Variants in B3GALT1 observed in about 807,000 individuals in gnomAD.
B3GALT1 encodes the protein UDP-Gal:betaGlcNAc beta 1,3-galactosyltransferase, polypeptide 1.
A neutral mutation model predicts 23.2 loss-of-function variants in B3GALT1; 10 were observed. The observed-to-expected ratio is 0.43, with a 90% CI of 0.27 to 0.73. The LOEUF (loss-of-function observed/expected upper bound fraction) is 0.73. B3GALT1 is among the 30% of genes least tolerant of loss of function. B3GALT1 has a pLI of 0.21. For synonymous variants in B3GALT1, 156 were observed against 141.5 expected (o/e 1.10, Z -0.73); for missense variants, 299 against 405.4 (o/e 0.74, Z 2.25).
intron 1 of B3GALT1, among the ~76,000 whole-genome samples, chr2:167,346,848 T>A (rs1697229878): frequency 6.6e-6 from 1 of 152,028 alleles, no homozygotes; most frequent in African/African-American, 2.4e-5. Flanking sequence ...TCATTCTGGT[T>A]ATATGGAGGG....
chr2:167,562,466 G>T (rs1021288302), intron 2 of B3GALT1, among the ~76,000 whole-genome samples: 41 of 152,168 alleles, frequency 2.7e-4, no homozygotes, highest in African/African-American at 6.3e-4. Context: ...GGGCAATTAG[G>T]CAGGAGAAGG....
At chr2:167,336,343 C>T (rs1207752631) in intron 1 of B3GALT1, among the ~76,000 whole-genome samples, 2 of 152,116 alleles carry the variant, frequency 1.3e-5, no homozygotes, top group African/African-American at 4.8e-5. Flanking sequence ...ATGGTTTACC[C>T]AGGAAGACAA....
chr2:167,395,625 T>TAAG (rs1698081439), intron 1 of B3GALT1, among the ~76,000 whole-genome samples: 3 of 152,100 alleles, frequency 2.0e-5, no homozygotes. Context: ...TTTAAGCTAC[T>TAAG]AAGTGTGGGT....
intron 2 of B3GALT1, among the ~76,000 whole-genome samples, chr2:167,549,672 C>A (rs11884796): frequency 1.3e-5 from 2 of 152,076 alleles, no homozygotes; most frequent in Admixed American, 1.3e-4. Context: ...CTGCCCACAG[C>A]AGCAGACTAA....
At chr2:167,611,458 T>G (rs1389385824) in intron 2 of B3GALT1, among the ~76,000 whole-genome samples, 3 of 151,994 alleles carry the variant, frequency 2.0e-5, no homozygotes, top group African/African-American at 7.2e-5. Context: ...GACTGTATGT[T>G]GGAGTTTCAA....
At chr2:167,693,947 G>A (rs553229985) in intron 3 of B3GALT1, among the ~76,000 whole-genome samples, 8 of 152,046 alleles carry the variant, frequency 5.3e-5, no homozygotes, top group African/African-American at 1.4e-4. Flanking sequence ...CTTCTTTTCC[G>A]TGTGCCGTTG....
intron 1 of B3GALT1, among the ~76,000 whole-genome samples, chr2:167,305,241 A>T (rs1249038366): frequency 4.6e-5 from 7 of 151,540 alleles, no homozygotes; most frequent in East Asian, 3.9e-4. Flanking sequence ...GACAGTTGTT[A>T]ATATATATAT....
intron 1 of B3GALT1, among the ~76,000 whole-genome samples, chr2:167,443,497 C>T (rs1388817182): frequency 6.6e-6 from 1 of 152,140 alleles, no homozygotes; most frequent in African/African-American, 2.4e-5. Context: ...TTGATTGTTC[C>T]TATCCATGAG....
At chr2:167,699,720 A>G (rs893985640) in intron 3 of B3GALT1, among the ~76,000 whole-genome samples, 1 of 152,086 alleles carries the variant, frequency 6.6e-6, no homozygotes, top group Admixed American at 6.5e-5. Context: ...TAGACAATAT[A>G]TATTTTTTCA....
intron 1 of B3GALT1, among the ~76,000 whole-genome samples, chr2:167,441,461 A>C (rs1282162562): frequency 6.6e-6 from 1 of 152,092 alleles, no homozygotes; most frequent in East Asian, 1.9e-4. Flanking sequence ...GGATCTTCTG[A>C]GAAGGCTCAT....
At chr2:167,665,117 A>T (rs2105476693) in intron 3 of B3GALT1, among the ~76,000 whole-genome samples, 1 of 152,000 alleles carries the variant, frequency 6.6e-6, no homozygotes, top group South Asian at 2.1e-4. Context: ...GTTAGCTCTT[A>T]TTATTTTGAG....
intron 4 of B3GALT1, among the ~76,000 whole-genome samples, chr2:167,858,786 A>G (rs966937404): frequency 6.6e-6 from 1 of 152,190 alleles, no homozygotes; most frequent in African/African-American, 2.4e-5. Flanking sequence ...ATATAAAGGA[A>G]CAATTGAAAA....
chr2:167,862,571 A>G (rs1690122937), intron 4 of B3GALT1: 1 of 152,226 alleles, frequency 6.6e-6, no homozygotes. Context: ...TTCAGCAGCT[A>G]TCTGGGCACC....
chr2:167,478,523 AT>A (rs1433304807), intron 1 of B3GALT1, among the ~76,000 whole-genome samples: 2 of 151,782 alleles, frequency 1.3e-5, no homozygotes, highest in African/African-American at 4.8e-5. Context: ...ACAAAAGCAA[AT>A]GGCAGTGTGA....
intron 3 of B3GALT1, among the ~76,000 whole-genome samples, chr2:167,675,373 T>A (rs1271448012): frequency 1.3e-5 from 2 of 152,190 alleles, no homozygotes; most frequent in Non-Finnish European, 2.9e-5. Flanking sequence ...TCAAAGAAAT[T>A]CAGATAAACT....
At position 167,729,996 on chromosome 2, in the gene B3GALT1, T is replaced by A. The variant is rs1382386748; in HGVS notation, c.-352+83030T>A. Among the ~76,000 whole-genome samples, 4 of 152,120 alleles carry A rather than the reference T, an allele frequency of 2.6e-5. No individual in the cohort carries two copies. In the East Asian group the frequency reaches 7.7e-4, roughly 29 times the overall value. On this transcript the variant is annotated intron_variant, in intron 3 of 4. Transcript: ENST00000392690. Reference sequence around the variant, plus strand: ...GTGTAGTATGTGAGCCATCTTGGCTTATAGCTGACCTGCAGTGCCCAGAAG... The same window carrying A: ...GTGTAGTATGTGAGCCATCTTGGCTAATAGCTGACCTGCAGTGCCCAGAAG...
In B3GALT1 at chr2:167,344,930, C is replaced by T. The variant is rs184012869; in HGVS notation, c.-511+51596C>T. 3.6e-3 allele frequency among the ~76,000 whole-genome samples: 552 copies of T among 152,240 alleles called. 6 individuals carry two copies. Among genetic ancestry groups the T allele is most frequent in the African/African-American group, 0.013 (530 of 41,558 alleles). ...AGCAAGATAAGGTTAGTGATTTCAACACTGGATTTACACAGACTATAAAAG... is the reference window on the plus strand; with the variant it reads ...AGCAAGATAAGGTTAGTGATTTCAATACTGGATTTACACAGACTATAAAAG... On this transcript the variant is annotated intron_variant, in intron 1 of 4. Coordinates refer to ENST00000392690, the MANE Select transcript of B3GALT1 (RefSeq NM_020981.4).
At chr2:167,797,352 C>A (rs1341412384) in intron 3 of B3GALT1, among the ~76,000 whole-genome samples, 3 of 152,078 alleles carry the variant, frequency 2.0e-5, no homozygotes, top group Non-Finnish European at 4.4e-5. Context: ...GTATATGTAC[C>A]ACATTTTCTT....
chr2:167,491,483 CTT>C (rs35378344), intron 2 of B3GALT1, among the ~76,000 whole-genome samples: 9 of 121,996 alleles, frequency 7.4e-5, no homozygotes, highest in Non-Finnish European at 6.8e-5. Flanking sequence ...TTTACTTTTG[CTT>C]TTTTTTTTTT....
Sources: gnomAD v4.1 joint callset for allele counts (sites outside exome capture counted in the v4.1 genomes callset) on GRCh38, gnomAD v4.1.1 for gene constraint, MANE v1.5 for transcripts, NCBI Gene and HGNC (gene_info 2026-07-23, HGNC 2026-07-21) for gene names.